Variants in PLA2G4C observed in about 807,000 individuals in gnomAD.
PLA2G4C encodes the protein phospholipase A2 group IVC, also known as cytosolic phospholipase A2 gamma.
A neutral mutation model predicts 73.8 loss-of-function variants in PLA2G4C; 64 were observed. The observed-to-expected ratio is 0.87, with a 90% confidence interval of 0.71 to 1.07. The LOEUF (loss-of-function observed/expected upper bound fraction) is 1.07, where lower values mean the gene tolerates loss of function less well. PLA2G4C is among the 50% of genes least tolerant of loss of function. The pLI, the probability that PLA2G4C is intolerant of heterozygous loss-of-function variation, is 0.00. For missense variants in PLA2G4C, 622 were observed against 665.4 expected, an observed-to-expected ratio of 0.93 and a Z score of 0.72; for synonymous variants, 254 against 252.1, an observed-to-expected ratio of 1.01 and a Z score of -0.07.
chr19:48,061,924 A>T, intron 14 of PLA2G4C, 74 bp downstream of exon 14: 1 of 1,486,884 alleles, frequency 6.7e-7, no homozygotes, highest in Non-Finnish European at 9.3e-7. Context: ...CCGCGTCCTC[A>T]GTTCCTCCGC....
intron 1 of PLA2G4C, among the ~76,000 whole-genome samples, chr19:48,109,876 C>G (rs973199333): frequency 1.5e-4 from 23 of 151,088 alleles, no homozygotes; most frequent in Non-Finnish European, 2.8e-4. Context: ...ATCTCGATCT[C>G]CTGACCTCAG....
At chr19:48,059,011 G>A (rs898416340) in intron 14 of PLA2G4C, among the ~76,000 whole-genome samples, 5 of 151,986 alleles carry the variant, frequency 3.3e-5, no homozygotes, top group South Asian at 2.1e-4. Flanking sequence ...GGTGGCTCAC[G>A]CCTGTAATCC....
At chr19:48,060,569 T>C (rs1366923385) in intron 14 of PLA2G4C, among the ~76,000 whole-genome samples, 1 of 152,172 alleles carries the variant, frequency 6.6e-6, no homozygotes, top group Non-Finnish European at 1.5e-5. Flanking sequence ...GCGAGCCAGA[T>C]GATGTGATTC....
At chr19:48,070,183 A>T (rs1968603866) in intron 12 of PLA2G4C, among the ~76,000 whole-genome samples, 1 of 152,180 alleles carries the variant, frequency 6.6e-6, no homozygotes, top group Admixed American at 6.6e-5. Flanking sequence ...AGCACTTAGG[A>T]TGTTGGGAGG....
Position 48,101,014 on chromosome 19 carries a change from G to A in PLA2G4C, c.258-1154C>T, listed in dbSNP as rs143631250. On this transcript the variant is annotated intron_variant, in intron 4 of 16. Coordinates refer to ENST00000599921, the MANE Select transcript of PLA2G4C (RefSeq NM_003706.3). ...TTTATAAAGAAAAGAGGTTTATTTA[G>A]CTCACAGTTCTGCAGGCTGTACAAG... Among the ~76,000 whole-genome samples, 689 of 147,506 alleles carry A rather than the reference G, an allele frequency of 4.7e-3. 3 individuals are homozygous for A. The highest frequency in any genetic ancestry group is 0.016 in the African/African-American group (656 of 40,452).
intron 14 of PLA2G4C, among the ~76,000 whole-genome samples, chr19:48,057,796 T>C (rs967040330): frequency 6.6e-6 from 1 of 150,574 alleles, no homozygotes; most frequent in South Asian, 2.1e-4. Flanking sequence ...GGCTTCTTCT[T>C]ATTTTATATT....
At chr19:48,061,873 G>A in intron 14 of PLA2G4C, 125 bp downstream of exon 14, 1 of 956,582 alleles carries the variant, frequency 1.0e-6, no homozygotes, top group Non-Finnish European at 1.6e-6. Context: ...TTGGCTCTCT[G>A]GACTTCCCAG....
intron 12 of PLA2G4C, among the ~76,000 whole-genome samples, chr19:48,073,416 A>T (rs570899012): frequency 6.6e-6 from 1 of 152,080 alleles, no homozygotes; most frequent in African/African-American, 2.4e-5. Context: ...TCTATTCTCC[A>T]TCTCGTCCTC....
At chr19:48,069,247 G>A (rs1370611892) in intron 12 of PLA2G4C, among the ~76,000 whole-genome samples, 1 of 152,060 alleles carries the variant, frequency 6.6e-6, no homozygotes, top group Admixed American at 6.6e-5. Flanking sequence ...GGTTGGGGGA[G>A]TTGGCAAGGA....
At chr19:48,078,674 G>A (rs902027258) in intron 10 of PLA2G4C, among the ~76,000 whole-genome samples, 1 of 152,146 alleles carries the variant, frequency 6.6e-6, no homozygotes, top group Non-Finnish European at 1.5e-5. Context: ...GGAGGTGAAA[G>A]ACTGCTACAA....
Position 48,055,389 on chromosome 19 carries a change from G to GTATATATA in PLA2G4C, c.1258-348_1258-341dup, listed in dbSNP as rs4002927. On this transcript the variant is annotated intron_variant, in intron 14 of 16. Transcript: ENST00000599921. The stretch of plus-strand genomic sequence containing the variant: ...AGATGTTGGAGACCTCATCTCTACA[G>GTATATATA]TATATATATATATATATATATTTCA... Among the ~76,000 whole-genome samples the GTATATATA allele has an allele frequency of 6.6e-3, 875 of 132,548 alleles. 47 individuals are homozygous for GTATATATA. The highest frequency in any genetic ancestry group is 0.026 in the African/African-American group (796 of 31,090). 87.0% of individuals were successfully genotyped at this position (132,548 alleles called of 152,430 possible). A position where few individuals can be genotyped will look rare whatever the true frequency, so the allele number is the denominator to read the frequency against.
chr19:48,074,606 C>T, intron 12 of PLA2G4C, 161 bp downstream of exon 12: 1 of 643,820 alleles, frequency 1.6e-6, no homozygotes, highest in Non-Finnish European at 2.8e-6. Context: ...GGATTACATT[C>T]CAACATGAGA....
At chr19:48,057,480 CTTCTTTTTTTT>C (rs1225257261) in intron 14 of PLA2G4C, among the ~76,000 whole-genome samples, 65 of 28,086 alleles carry the variant, frequency 2.3e-3, no homozygotes, top group Middle Eastern at 0.022. Flanking sequence ...TCTTCTTCTT[CTTCTTTTTTTT>C]TTTTTTTTTT....
At chr19:48,053,881 C>T in intron 15 of PLA2G4C, among the ~76,000 whole-genome samples, 1 of 152,208 alleles carries the variant, frequency 6.6e-6, no homozygotes, top group African/African-American at 2.4e-5. Context: ...GAGGACCACC[C>T]ATCCTGGATG....
At chr19:48,099,167 G>T (rs1050020202) in intron 5 of PLA2G4C, among the ~76,000 whole-genome samples, 2 of 151,724 alleles carry the variant, frequency 1.3e-5, no homozygotes, top group African/African-American at 4.8e-5. Context: ...TACTCAAAAG[G>T]CTGAGGCAAG....
intron 2 of PLA2G4C, 93 bp from the exon 3 acceptor site, chr19:48,105,537 G>A: frequency 3.4e-6 from 3 of 878,346 alleles, no homozygotes; most frequent in Non-Finnish European, 5.5e-6. Context: ...GTCCAAGCAG[G>A]TAGCCACCAG....
chr19:48,099,590 G>T lies in PLA2G4C; in HGVS notation c.447+81C>A, dbSNP rs2031788113. 1.5e-5 allele frequency: 15 copies of T among 986,746 alleles called. No homozygotes were observed. The South Asian group carries it at 2.1e-4, about 14-fold the overall frequency. The allele number at this position is 986,746 out of a possible 1,614,324, so 61.1% of individuals were successfully genotyped here. A position where few individuals can be genotyped will look rare whatever the true frequency, so the allele number is the denominator to read the frequency against. On this transcript the variant is annotated intron_variant, in intron 5 of 16. Coordinates refer to ENST00000599921, the MANE Select transcript of PLA2G4C (RefSeq NM_003706.3). ...CCTGAAGGACTTAAAAGGTGGTGCT[G>T]GTCAGCATCTTTGGTAACCCCACAC...
intron 13 of PLA2G4C, among the ~76,000 whole-genome samples, chr19:48,066,388 AG>A (rs1396285250): frequency 6.6e-6 from 1 of 152,184 alleles, no homozygotes; most frequent in East Asian, 1.9e-4. Context: ...GCCATGATCC[AG>A]TGACTTGATG....
chr19:48,098,168 T>C lies in PLA2G4C; in HGVS notation c.539A>G (p.Gln180Arg), dbSNP rs1461133126. 1 of 1,613,872 alleles carries C rather than the reference T, an allele frequency of 6.2e-7. No individual in the cohort carries two copies. The highest frequency in any genetic ancestry group is 1.3e-5 in the African/African-American group (1 of 75,042). Reference protein sequence around the residue: ...PIFAAIDNDLQPSWQEARAPE... With the variant: ...PIFAAIDNDLRPSWQEARAPE... ...TGCTCTTGCCTCCTGCCAGGAAGGT[T>C]GCAGGTCATTGTCAATGGCTGCAAA... The change falls in exon 6 of 17, where the codon CAA (glutamine) becomes CGA (arginine). Residue 180 changes from glutamine to arginine, a missense_variant. By Grantham distance (43) the Gln-to-Arg change is conservative. Coordinates refer to ENST00000599921, the MANE Select transcript of PLA2G4C (RefSeq NM_003706.3).
Sources: allele counts gnomAD v4.1 joint callset (sites outside exome capture counted in the v4.1 genomes callset), GRCh38; gene constraint gnomAD v4.1.1; transcripts MANE v1.5; gene names NCBI Gene and HGNC (gene_info 2026-07-23, HGNC 2026-07-21).